PDHX: variants seen among roughly 807,000 people sequenced by gnomAD.
The protein encoded by PDHX is pyruvate dehydrogenase complex component X.
In PDHX, 33 loss-of-function variants were observed where a neutral mutation model predicts 55.3. The ratio of observed to expected loss-of-function variants is 0.60; its 90% CI spans 0.45 to 0.80. PDHX has a LOEUF of 0.80. Ranked by LOEUF, PDHX falls within the 30% of genes least tolerant of loss-of-function variation. The probability of loss-of-function intolerance (pLI) is 0.00; values close to 1 mark genes in which losing one functional copy is unlikely to be tolerated. For missense variants in PDHX, 622 were observed against 619.9 expected, an observed-to-expected ratio of 1.00 and a Z score of -0.04; for synonymous variants, 226 against 219.4, an observed-to-expected ratio of 1.03 and a Z score of -0.27.
chr11:34,954,579 C>T (rs1397962703), intron 3 of PDHX, among the ~76,000 whole-genome samples: 2 of 152,168 alleles, frequency 1.3e-5, no homozygotes, highest in African/African-American at 4.8e-5. Flanking sequence ...TTTAGTGCTG[C>T]CAGCCACATG....
intron 3 of PDHX, among the ~76,000 whole-genome samples, chr11:34,955,917 T>C (rs1854897113): frequency 6.6e-6 from 1 of 152,166 alleles, no homozygotes; most frequent in African/African-American, 2.4e-5. Context: ...TCATGTCACT[T>C]AACAGTGCTT....
At chr11:34,960,204 A>T (rs1854993857) in intron 4 of PDHX, among the ~76,000 whole-genome samples, 1 of 152,236 alleles carries the variant, frequency 6.6e-6, no homozygotes, top group South Asian at 2.1e-4. Context: ...TATTAAAATC[A>T]TATTTAGAAA....
chr11:34,916,896 G>C, intron 1 of PDHX, 81 bp downstream of exon 1: 1 of 1,344,762 alleles, frequency 7.4e-7, no homozygotes, highest in Non-Finnish European at 1.0e-6. Context: ...TTGAGGGCCT[G>C]CTTTTGGGTG....
At chr11:34,941,092 A>T (rs550453800) in intron 2 of PDHX, among the ~76,000 whole-genome samples, 1 of 152,294 alleles carries the variant, frequency 6.6e-6, no homozygotes, top group East Asian at 1.9e-4. Context: ...AGCCAGAGGG[A>T]TGTGTGGGTG....
intron 6 of PDHX, 145 bp downstream of exon 6, chr11:34,966,959 C>CCCCAA: frequency 1.4e-6 from 1 of 720,888 alleles, no homozygotes; most frequent in Non-Finnish European, 2.4e-6. Context: ...TCAAGTGATT[C>CCCCAA]TCCTGCCTTA....
At chr11:34,916,401 GGGGGCGGGGCGAAC>G, upstream of PDHX, 3 of 1,522,898 alleles carry the variant, frequency 2.0e-6, no homozygotes, top group Non-Finnish European at 2.6e-6. Context: ...AGGGCAGCCC[GGGGGCGGGGCGAAC>G]GGGGCGGGGG....
intron 4 of PDHX, 122 bp from the exon 5 acceptor site, chr11:34,960,298 A>C (rs1854995560): frequency 3.0e-6 from 2 of 674,524 alleles, no homozygotes; most frequent in Admixed American, 2.2e-5. Context: ...CATCTGTGGG[A>C]GTCATTTTAG....
intron 2 of PDHX, among the ~76,000 whole-genome samples, chr11:34,935,712 G>C (rs1854292206): frequency 6.6e-6 from 1 of 152,176 alleles, no homozygotes; most frequent in African/African-American, 2.4e-5. Flanking sequence ...GTGACTGAAT[G>C]AGTCCCCCAC....
chr11:34,978,299 TAAA>T, intron 8 of PDHX, 117 bp downstream of exon 8: 1 of 700,150 alleles, frequency 1.4e-6, no homozygotes. Context: ...ATTGTCTTGC[TAAA>T]AATATCCTAT....
chr11:34,936,180 C>A (rs950706183), intron 2 of PDHX, among the ~76,000 whole-genome samples: 1 of 152,068 alleles, frequency 6.6e-6, no homozygotes, highest in Non-Finnish European at 1.5e-5. Context: ...TAAGGAAAGG[C>A]AAGAAAAATT....
intron 1 of PDHX, among the ~76,000 whole-genome samples, chr11:34,926,919 C>G (rs1303750571): frequency 1.3e-5 from 2 of 151,942 alleles, no homozygotes; most frequent in African/African-American, 4.8e-5. Flanking sequence ...CTGTAAAATT[C>G]AGTGATTGGT....
At chr11:34,947,722 A>G (rs1419457459) in intron 3 of PDHX, 116 bp downstream of exon 3, 8 of 721,204 alleles carry the variant, frequency 1.1e-5, no homozygotes, top group Non-Finnish European at 2.0e-5. Flanking sequence ...ATTGTCTACT[A>G]CATAATACAT....
intron 8 of PDHX, among the ~76,000 whole-genome samples, chr11:34,982,530 A>G (rs1855540088): frequency 6.6e-6 from 1 of 152,092 alleles, no homozygotes; most frequent in Non-Finnish European, 1.5e-5. Context: ...TGCTAGCAAG[A>G]CTAATAAAGA....
At chr11:34,980,355 T>TTTTTTTTTTTC (rs1266026430) in intron 8 of PDHX, among the ~76,000 whole-genome samples, 1 of 126,884 alleles carries the variant, frequency 7.9e-6, no homozygotes, top group Admixed American at 8.1e-5. Context: ...ATAGTTTCTT[T>TTTTTTTTTTTC]TTTTTTTTTT....
intron 8 of PDHX, among the ~76,000 whole-genome samples, chr11:34,984,217 C>T (rs932496781): frequency 6.6e-6 from 1 of 152,172 alleles, no homozygotes; most frequent in African/African-American, 2.4e-5. Context: ...CTCCTCCTCC[C>T]CTCAAGATCA....
intron 9 of PDHX, 113 bp downstream of exon 9, chr11:34,984,841 A>C: frequency 1.0e-6 from 1 of 994,794 alleles, no homozygotes; most frequent in Non-Finnish European, 1.6e-6. Flanking sequence ...GTGTGTGTGA[A>C]GGGGAGAGTT....
intron 2 of PDHX, among the ~76,000 whole-genome samples, chr11:34,940,655 G>A (rs991384891): frequency 6.6e-6 from 1 of 152,154 alleles, no homozygotes; most frequent in Non-Finnish European, 1.5e-5. Flanking sequence ...CCACAATCCA[G>A]TTTTAGAACA....
chr11:34,987,265 T>C (rs1409407591), intron 9 of PDHX, among the ~76,000 whole-genome samples: 4 of 152,190 alleles, frequency 2.6e-5, no homozygotes, highest in Non-Finnish European at 5.9e-5. Flanking sequence ...AGTAGTACTT[T>C]CTTGTATGAA....
chr11:34,960,456 A>T lies in PDHX; in HGVS notation c.579A>T (p.Glu193Asp). 1 of 1,613,580 alleles carries T rather than the reference A, an allele frequency of 6.2e-7. No individual in the cohort carries two copies. Among genetic ancestry groups the T allele is most frequent in the East Asian group, 2.2e-5 (1 of 44,790 alleles). ...GTCCAGCTGCCCGCAATATTCTGGA[A>T]AAACACTCACTGGATGCTAGCCAGG... ...RLSPAARNIL[E>D]KHSLDASQGT... The change falls in exon 5 of 11, where the codon GAA becomes GAT. Residue 193 changes from glutamate to aspartate, a missense_variant. Transcript: ENST00000227868.
Sources: gnomAD v4.1 joint callset for allele counts (sites outside exome capture counted in the v4.1 genomes callset) on GRCh38, gnomAD v4.1.1 for gene constraint, MANE v1.5 for transcripts, NCBI Gene and HGNC (gene_info 2026-07-23, HGNC 2026-07-21) for gene names.